The following MARCHF1 variants were observed in gnomAD, a reference collection of about 807,000 sequenced individuals.
MARCHF1 encodes membrane associated ring-CH-type finger 1.
In MARCHF1, 40 loss-of-function variants were observed where a neutral mutation model predicts 54.2. The ratio of observed to expected loss-of-function variants is 0.74; its 90% CI spans 0.57 to 0.96. The LOEUF (loss-of-function observed/expected upper bound fraction) is 0.96. Ranked by LOEUF, MARCHF1 falls within the 40% of genes least tolerant of loss-of-function variation. MARCHF1 has a pLI of 0.00. For synonymous variants in MARCHF1, 236 were observed against 236.3 expected, an observed-to-expected ratio of 1.00 and a Z score of 0.01; for missense variants, 586 against 656.5, an observed-to-expected ratio of 0.89 and a Z score of 1.17.
intron 4 of MARCHF1, among the ~76,000 whole-genome samples, chr4:163,795,172 T>C (rs906335075): frequency 6.6e-6 from 1 of 152,256 alleles, no homozygotes; most frequent in Non-Finnish European, 1.5e-5. Context: ...GTTTATAACA[T>C]GCTGCATAGA....
intron 3 of MARCHF1, among the ~76,000 whole-genome samples, chr4:163,935,879 C>G (rs1439639162): frequency 6.6e-6 from 1 of 152,136 alleles, no homozygotes; most frequent in Non-Finnish European, 1.5e-5. Context: ...GCATTCACAA[C>G]TTGGCTAACT....
intron 1 of MARCHF1, among the ~76,000 whole-genome samples, chr4:164,315,328 C>T (rs1319420836): frequency 6.6e-6 from 1 of 151,338 alleles, no homozygotes; most frequent in East Asian, 1.9e-4. Flanking sequence ...GACTCATAAG[C>T]ATCTTGATGC....
intron 1 of MARCHF1, among the ~76,000 whole-genome samples, chr4:164,203,691 G>A (rs1232467975): frequency 2.6e-5 from 4 of 152,142 alleles, no homozygotes; most frequent in Non-Finnish European, 4.4e-5. Context: ...CAATGCCCCA[G>A]CCAAGTTGAC....
chr4:164,036,672 T>A (rs1450381065), intron 2 of MARCHF1, among the ~76,000 whole-genome samples: 1 of 152,172 alleles, frequency 6.6e-6, no homozygotes, highest in Non-Finnish European at 1.5e-5. Flanking sequence ...ATGAAAAAGC[T>A]AGACTAATGG....
chr4:164,249,916 G>A (rs1733075088), intron 1 of MARCHF1, among the ~76,000 whole-genome samples: 1 of 152,096 alleles, frequency 6.6e-6, no homozygotes, highest in Non-Finnish European at 1.5e-5. Context: ...GGTATTCAGG[G>A]ACAGAAGAGT....
rs571785446 is a variant in MARCHF1, at chr4:163,804,585, C to T, written c.111+49436G>A. On this transcript the variant is annotated intron_variant, in intron 4 of 9. Transcript: ENST00000514618. ...TAAACTCTATATTAAGCAGAATCAC[C>T]AGACTAAATCAATGTTTGTCACCTC... Among the ~76,000 whole-genome samples the T allele has an allele frequency of 3.3e-5, 5 of 152,174 alleles. No homozygotes were observed. The East Asian group carries it at 5.8e-4, about 18-fold the overall frequency.
Position 163,888,466 on chromosome 4 carries a change from C to T in MARCHF1, c.-38-34297G>A, listed in dbSNP as rs185367566. 1.8e-3 allele frequency among the ~76,000 whole-genome samples: 277 copies of T among 152,210 alleles called. 3 individuals are homozygous for T. Among genetic ancestry groups the T allele is most frequent in the African/African-American group, 6.4e-3 (265 of 41,518 alleles). ...CAACACATTTTAGACAACTTAATGC[C>T]CCTGCTTTGAGTTCCATATTCCCAA... On this transcript the variant is annotated intron_variant, in intron 3 of 9. Coordinates refer to ENST00000514618, the MANE Select transcript of MARCHF1 (RefSeq NM_001394959.1).
At chr4:164,195,173 G>A (rs1161733212) in intron 1 of MARCHF1, among the ~76,000 whole-genome samples, 1 of 151,590 alleles carries the variant, frequency 6.6e-6, no homozygotes. Flanking sequence ...AGTTCTTTGA[G>A]GTCATGATTT....
intron 5 of MARCHF1, among the ~76,000 whole-genome samples, chr4:163,682,655 T>A (rs138775349): frequency 6.6e-6 from 1 of 152,192 alleles, no homozygotes; most frequent in African/African-American, 2.4e-5. Flanking sequence ...TGGGAGGTAA[T>A]TGAATCATGG....
intron 3 of MARCHF1, among the ~76,000 whole-genome samples, chr4:163,970,582 A>C (rs1752528588): frequency 6.6e-6 from 1 of 152,240 alleles, no homozygotes; most frequent in Admixed American, 6.5e-5. Context: ...TACAGTGTAA[A>C]GAACAATGCA....
At chr4:164,178,957 C>T (rs1014791981) in intron 1 of MARCHF1, among the ~76,000 whole-genome samples, 1 of 152,086 alleles carries the variant, frequency 6.6e-6, no homozygotes, top group African/African-American at 2.4e-5. Flanking sequence ...ACCCCAACCC[C>T]GAGATGAAAT....
chr4:163,937,201 A>C (rs1000244437), intron 3 of MARCHF1, among the ~76,000 whole-genome samples: 8 of 152,214 alleles, frequency 5.3e-5, no homozygotes, highest in African/African-American at 1.9e-4. Context: ...AGCCTTACAT[A>C]AAATAATAAA....
At chr4:163,870,335 C>T (rs1750143390) in intron 3 of MARCHF1, among the ~76,000 whole-genome samples, 1 of 152,034 alleles carries the variant, frequency 6.6e-6, no homozygotes, top group Non-Finnish European at 1.5e-5. Flanking sequence ...AAACTGACCC[C>T]ATTTTTCCAT....
At chr4:163,942,517 G>A (rs2110755039) in intron 3 of MARCHF1, among the ~76,000 whole-genome samples, 1 of 152,238 alleles carries the variant, frequency 6.6e-6, no homozygotes, top group Middle Eastern at 3.4e-3. Flanking sequence ...TGATTATATG[G>A]GCACAGAGAG....
chr4:163,586,034 A>G (rs925273451), intron 7 of MARCHF1, 105 bp from the exon 8 acceptor site: 4 of 969,798 alleles, frequency 4.1e-6, no homozygotes, highest in African/African-American at 1.7e-5. Context: ...CCGCAACCTA[A>G]GATTTAGAAC....
chr4:163,973,085 T>C (rs1752581779), intron 3 of MARCHF1, among the ~76,000 whole-genome samples: 1 of 152,206 alleles, frequency 6.6e-6, no homozygotes, highest in Non-Finnish European at 1.5e-5. Flanking sequence ...AAAATCTGAA[T>C]TTAACTTCTT....
At chr4:164,173,907 C>T (rs1329840876) in intron 1 of MARCHF1, among the ~76,000 whole-genome samples, 2 of 152,168 alleles carry the variant, frequency 1.3e-5, no homozygotes, top group African/African-American at 4.8e-5. Context: ...AATTCCTTTC[C>T]TTTCCGATTC....
rs568150783 is a variant in MARCHF1 at position 163,893,275 on chromosome 4, A to AT, written c.-38-39107dup. The stretch of plus-strand genomic sequence containing the variant: ...CACCTCAGTCTCCTGAGTAGCTGGG[A>AT]TTACAGGCACCTGCCACCACACCTG... On this transcript the variant is annotated intron_variant, in intron 3 of 9. Coordinates refer to ENST00000514618, the MANE Select transcript of MARCHF1 (RefSeq NM_001394959.1). 5.5e-3 allele frequency among the ~76,000 whole-genome samples: 837 copies of AT among 152,116 alleles called. 7 individuals are homozygous for AT. Among genetic ancestry groups the AT allele is most frequent in the African/African-American group, 0.019 (791 of 41,484 alleles).
At chr4:163,769,179 T>C (rs1421473955) in intron 4 of MARCHF1, among the ~76,000 whole-genome samples, 2 of 152,150 alleles carry the variant, frequency 1.3e-5, no homozygotes, top group Admixed American at 6.5e-5. Context: ...ATTTCTGATA[T>C]AGACATGCCC....
Sources: allele counts gnomAD v4.1 joint callset (sites outside exome capture counted in the v4.1 genomes callset), GRCh38; gene constraint gnomAD v4.1.1; transcripts MANE v1.5; gene names NCBI Gene and HGNC (gene_info 2026-07-23, HGNC 2026-07-21).